The following VPS8 variants were observed in gnomAD, a reference collection of about 807,000 sequenced individuals.
VPS8 encodes the protein vacuolar protein sorting-associated protein 8 homolog.
In VPS8, 129 loss-of-function variants were observed where a neutral mutation model predicts 216.4. The observed-to-expected ratio is 0.60, with a 90% CI of 0.52 to 0.69. The LOEUF (loss-of-function observed/expected upper bound fraction) is 0.69. Among genes scored for constraint, VPS8 ranks in the 30% least tolerant of loss-of-function variants. VPS8 has a pLI of 0.00. For missense variants in VPS8, 1,531 were observed against 1,683.5 expected (o/e 0.91, Z 1.59); for synonymous variants, 571 against 565.4 (o/e 1.01, Z -0.14).
At chr3:184,984,447 C>T (rs1383043001) in intron 42 of VPS8, among the ~76,000 whole-genome samples, 3 of 151,718 alleles carry the variant, frequency 2.0e-5, no homozygotes, top group African/African-American at 7.3e-5. Context: ...GCATGTGCCA[C>T]CACGCCCAGC....
At position 184,926,628 on chromosome 3, in the gene VPS8, C is replaced by T. The variant is rs1315626392; in HGVS notation, c.2609C>T (p.Ser870Phe). ...LEFLCSPDDD[S>F]RHSERQQVLL... is the part of the protein sequence containing the mutation. The stretch of plus-strand genomic sequence containing the variant: ...TTCCTTTGTAGTCCTGACGATGACT[C>T]CCGACACTCTGAAAGACAGCAGGTA... Residue 870 changes from serine to phenylalanine, a missense_variant, in exon 31 of 48, where the codon TCC becomes TTC. Ser to Phe is a radical substitution (Grantham distance 155). Around this residue, in one of 3 missense-constraint regions of VPS8, gnomAD observed 1,318 missense variants for 1,468.4 expected, o/e 0.90. Coordinates refer to ENST00000625842, the MANE Select transcript of VPS8 (RefSeq NM_001009921.3). 4 of 1,605,836 alleles carry T rather than the reference C, an allele frequency of 2.5e-6. No homozygotes were observed. The highest frequency in any genetic ancestry group is 3.4e-6 in the Non-Finnish European group (4 of 1,176,062).
Position 184,824,932 on chromosome 3 carries a change from G to T in VPS8, c.153+147G>T, listed in dbSNP as rs756417009. On this transcript the variant is annotated intron_variant, in intron 2 of 47. Transcript: ENST00000625842. ...TTTTTTTTTTTTTTTTGGATACAGG[G>T]TCTCACTCTGTTGTCCAGGTTGGAG... is the stretch of plus-strand genomic sequence containing the variant. 3.9e-5 allele frequency: 28 copies of T among 710,032 alleles called. No homozygotes were observed. In the South Asian group the frequency reaches 5.0e-4, roughly 13 times the overall value. The allele number at this position is 710,032 out of a possible 1,614,324, so 44.0% of individuals were successfully genotyped here.
At chr3:184,854,850 T>TC (rs1724951407) in intron 13 of VPS8, among the ~76,000 whole-genome samples, 1 of 152,192 alleles carries the variant, frequency 6.6e-6, no homozygotes, top group African/African-American at 2.4e-5. Flanking sequence ...CCCTTTTTTT[T>TC]CTTCTTGATT....
At chr3:184,939,548 T>C (rs1742269269) in intron 35 of VPS8, among the ~76,000 whole-genome samples, 1 of 136,258 alleles carries the variant, frequency 7.3e-6, no homozygotes, top group Non-Finnish European at 1.6e-5. Flanking sequence ...AAGATATTGC[T>C]GTCCTCTTTT....
intron 10 of VPS8, among the ~76,000 whole-genome samples, chr3:184,850,475 G>A (rs1475332109): frequency 1.3e-5 from 2 of 152,118 alleles, no homozygotes; most frequent in Admixed American, 6.5e-5. Context: ...GGCACAGATC[G>A]TGAAAAAACC....
chr3:184,911,696 C>T (rs1736562541), intron 25 of VPS8, among the ~76,000 whole-genome samples: 1 of 152,168 alleles, frequency 6.6e-6, no homozygotes, highest in Non-Finnish European at 1.5e-5. Flanking sequence ...ATCACCTAGC[C>T]TTGTTTCCAC....
chr3:184,979,867 A>G (rs1749903854), intron 40 of VPS8, among the ~76,000 whole-genome samples: 1 of 152,128 alleles, frequency 6.6e-6, no homozygotes, highest in Non-Finnish European at 1.5e-5. Flanking sequence ...TGTTGTGCAG[A>G]CTTCATTGTA....
intron 46 of VPS8, among the ~76,000 whole-genome samples, chr3:185,032,987 C>T (rs555238026): frequency 6.6e-6 from 1 of 152,114 alleles, no homozygotes; most frequent in Non-Finnish European, 1.5e-5. Context: ...TTAAGAGTAC[C>T]GTAGTTTTAG....
intron 46 of VPS8, among the ~76,000 whole-genome samples, chr3:185,032,352 C>T (rs149455621): frequency 1.4e-3 from 216 of 152,186 alleles, no homozygotes; most frequent in African/African-American, 4.8e-3. Flanking sequence ...GGGGAACGCT[C>T]CAACCATAAG....
intron 24 of VPS8, 46 bp from the exon 25 acceptor site, chr3:184,900,875 A>T (rs1734358244): frequency 6.7e-7 from 1 of 1,493,500 alleles, no homozygotes; most frequent in African/African-American, 1.4e-5. Context: ...TTTAAATAAT[A>T]TCATTTGAGA....
At chr3:185,004,418 G>A (rs1264053365) in intron 45 of VPS8, among the ~76,000 whole-genome samples, 3 of 152,218 alleles carry the variant, frequency 2.0e-5, no homozygotes, top group South Asian at 4.1e-4. Flanking sequence ...GCAGCGAGCC[G>A]AGATGGCAGC....
intron 47 of VPS8, among the ~76,000 whole-genome samples, chr3:185,050,356 A>C (rs1367980254): frequency 6.6e-6 from 1 of 152,156 alleles, no homozygotes; most frequent in Admixed American, 6.5e-5. Flanking sequence ...GTTGTGAATG[A>C]GACCATACAT....
chr3:185,021,845 G>A (rs912076958), intron 45 of VPS8, among the ~76,000 whole-genome samples: 1 of 152,206 alleles, frequency 6.6e-6, no homozygotes, highest in Non-Finnish European at 1.5e-5. Context: ...CATCTGTACT[G>A]TAGTCTCTTA....
chr3:184,862,989 G>C lies in VPS8; in HGVS notation c.1317G>C (p.Glu439Asp). Residue 439 changes from glutamate (E) to aspartate (D), a missense_variant, in exon 16 of 48, where the codon GAG becomes GAC. Around this residue, in one of 3 missense-constraint regions of VPS8, gnomAD observed 1,318 missense variants for 1,468.4 expected, o/e 0.90. Transcript: ENST00000625842. ...CACAAGAGGAATTGGAGACAGTGGA[G>C]ATCTCAGAAGTTCAGCTGGTCTACA... Reference protein sequence around the residue: ...RQTQEELETVEISEVQLVYNS... With the variant: ...RQTQEELETVDISEVQLVYNS... 1 of 1,613,966 alleles carries C rather than the reference G, an allele frequency of 6.2e-7. No homozygotes were observed. The highest frequency in any genetic ancestry group is 8.5e-7 in the Non-Finnish European group (1 of 1,179,836).
At chr3:185,003,822 G>A (rs1420933978) in intron 45 of VPS8, among the ~76,000 whole-genome samples, 1 of 151,902 alleles carries the variant, frequency 6.6e-6, no homozygotes, top group Non-Finnish European at 1.5e-5. Flanking sequence ...GCCGGGCGGA[G>A]GGTCTCCTCA....
At position 184,930,495 on chromosome 3, in the gene VPS8, A is replaced by G. The variant is rs761832941; in HGVS notation, c.2825A>G (p.Asn942Ser). 17 of 1,613,022 alleles carry G rather than the reference A, an allele frequency of 1.1e-5. No homozygotes were observed. In the East Asian group the frequency reaches 3.3e-4, roughly 32 times the overall value. The change falls in exon 34 of 48, where the codon AAT becomes AGT. Residue 942 changes from asparagine to serine, a missense_variant. By Grantham distance (46) the Asn-to-Ser change is conservative. Transcript: ENST00000625842. ...GAAGAAGTCTTTAATTACATTCACA[A>G]TATCTTATCCATTCCCGGACACAGT... Reference protein sequence around the residue: ...REEEVFNYIHNILSIPGHSAE... With the variant: ...REEEVFNYIHSILSIPGHSAE...
At chr3:184,820,001 GA>G (rs1717206455) in intron 1 of VPS8, among the ~76,000 whole-genome samples, 1 of 152,022 alleles carries the variant, frequency 6.6e-6, no homozygotes, top group Non-Finnish European at 1.5e-5. Flanking sequence ...GTAGGCTGAG[GA>G]GGAGGAGGAG....
At chr3:184,904,379 T>C (rs1735105807) in intron 25 of VPS8, among the ~76,000 whole-genome samples, 1 of 152,208 alleles carries the variant, frequency 6.6e-6, no homozygotes, top group Non-Finnish European at 1.5e-5. Context: ...GAAGTTTTCT[T>C]TACCCAGTTT....
chr3:184,982,489 G>A, intron 40 of VPS8, 77 bp from the exon 41 acceptor site: 1 of 1,016,344 alleles, frequency 9.8e-7, no homozygotes, highest in Non-Finnish European at 1.5e-6. Context: ...ACATCATGCT[G>A]ATGTTAGTTA....
Sources: allele counts gnomAD v4.1 joint callset (sites outside exome capture counted in the v4.1 genomes callset), GRCh38; gene constraint gnomAD v4.1.1; regional missense constraint gnomAD v4.1.1; transcripts MANE v1.5; gene names NCBI Gene and HGNC (gene_info 2026-07-23, HGNC 2026-07-21).